Variants in SLAMF6 observed in about 807,000 individuals in gnomAD.
The protein encoded by SLAMF6 is NK-T-B-antigen.
In SLAMF6, 21 loss-of-function variants were observed where a neutral mutation model predicts 38.3. That is an observed-to-expected ratio of 0.55 (90% CI 0.39 to 0.79). SLAMF6 has a LOEUF of 0.79. Ranked by LOEUF, SLAMF6 falls within the 30% of genes least tolerant of loss-of-function variation. SLAMF6 has a pLI of 0.00. For synonymous variants in SLAMF6, 152 were observed against 146.3 expected, an observed-to-expected ratio of 1.04 and a Z score of -0.28; for missense variants, 341 against 385.3, an observed-to-expected ratio of 0.89 and a Z score of 0.96.
chr1:160,505,771 A>C (rs1345498567), intron 1 of SLAMF6, among the ~76,000 whole-genome samples: 4 of 152,190 alleles, frequency 2.6e-5, no homozygotes, highest in Non-Finnish European at 4.4e-5. Flanking sequence ...AAATCAAGAA[A>C]AGGATATATA....
intron 1 of SLAMF6, among the ~76,000 whole-genome samples, chr1:160,506,913 G>A (rs1654217943): frequency 6.6e-6 from 1 of 152,084 alleles, no homozygotes; most frequent in African/African-American, 2.4e-5. Flanking sequence ...GAAAGGAAAT[G>A]AGAAAGGAAT....
At chr1:160,512,373 C>T (rs1654516308) in intron 1 of SLAMF6, among the ~76,000 whole-genome samples, 1 of 152,194 alleles carries the variant, frequency 6.6e-6, no homozygotes, top group Non-Finnish European at 1.5e-5. Context: ...GGGATTGAGT[C>T]CCTGTGGGTA....
Position 160,490,689 on chromosome 1 carries a change from A to G in SLAMF6, c.647-4T>C, listed in dbSNP as rs1211277186. On this transcript the variant is annotated splice_polypyrimidine_tract_variant and splice_region_variant and intron_variant, in intron 3 of 7. Transcript: ENST00000368057. The stretch of plus-strand genomic sequence containing the variant: ...TCTGTATATTGAATTTTAACATCTG[A>G]AAAGAGAAAAAAGAAATGACATTTG... 3.1e-6 allele frequency: 5 copies of G among 1,610,968 alleles called. No individual in the cohort carries two copies. The highest frequency in any genetic ancestry group is 4.2e-6 in the Non-Finnish European group (5 of 1,179,212).
chr1:160,522,968 C>T (rs1270016921), intron 1 of SLAMF6, among the ~76,000 whole-genome samples, 176 bp downstream of exon 1: 5 of 152,174 alleles, frequency 3.3e-5, no homozygotes, highest in Non-Finnish European at 7.4e-5. Flanking sequence ...TCAGGCTTAT[C>T]GCATCCAAAG....
In SLAMF6 at chr1:160,500,332, C is replaced by T. The variant is rs1413735719; in HGVS notation, c.50-3939G>A. On this transcript the variant is annotated intron_variant, in intron 1 of 7. Transcript: ENST00000368057. ...CATTTCTCTTTCTTTGACCTAATTC[C>T]TATATTCTCCCCCTTGTTCACTTTG... 2.6e-5 allele frequency among the ~76,000 whole-genome samples: 4 copies of T among 152,280 alleles called. No individual in the cohort carries two copies. In the East Asian group the frequency reaches 7.7e-4, roughly 29 times the overall value.
chr1:160,493,036 G>A (rs538523733), intron 2 of SLAMF6, among the ~76,000 whole-genome samples: 1 of 152,314 alleles, frequency 6.6e-6, no homozygotes, highest in Admixed American at 6.5e-5. Context: ...CTTTAGACAA[G>A]TAAGTCAAAT....
intron 1 of SLAMF6, among the ~76,000 whole-genome samples, chr1:160,503,092 C>G (rs926566257): frequency 3.3e-5 from 5 of 152,142 alleles, no homozygotes; most frequent in African/African-American, 1.2e-4. Flanking sequence ...AGACGTGGTT[C>G]TCCTTTTCTT....
rs1654042939 is a variant in SLAMF6 at position 160,503,954 on chromosome 1, G to T, written c.50-7561C>A. On this transcript the variant is annotated intron_variant, in intron 1 of 7. Transcript: ENST00000368057. ...GATTGTTTAAACCTGGGAGGCAGAGGTTGCAGTGAGCTGAGATCATGCCAT... is the reference window on the plus strand; with the variant it reads ...GATTGTTTAAACCTGGGAGGCAGAGTTTGCAGTGAGCTGAGATCATGCCAT... Among the ~76,000 whole-genome samples the T allele has an allele frequency of 1.4e-5, 2 of 141,794 alleles. 1 individual carries two copies. The highest frequency in any genetic ancestry group is 4.5e-4 in the South Asian group (2 of 4,446). 93.0% of individuals were successfully genotyped at this position (141,794 alleles called of 152,430 possible).
chr1:160,515,251 G>A (rs1458892268), intron 1 of SLAMF6, among the ~76,000 whole-genome samples: 1 of 152,132 alleles, frequency 6.6e-6, no homozygotes, highest in African/African-American at 2.4e-5. Flanking sequence ...ACATAACCTA[G>A]AAAATCTAGA....
intron 1 of SLAMF6, among the ~76,000 whole-genome samples, chr1:160,500,580 A>G (rs1005146304): frequency 2.0e-5 from 3 of 151,888 alleles, no homozygotes; most frequent in Non-Finnish European, 4.4e-5. Context: ...CTTTGGATTT[A>G]CCATCTAGTA....
intron 6 of SLAMF6, among the ~76,000 whole-genome samples, chr1:160,487,839 C>T (rs1340540201): frequency 6.6e-6 from 1 of 152,140 alleles, no homozygotes; most frequent in African/African-American, 2.4e-5. Flanking sequence ...CCTGTAAACC[C>T]AACACTTTGG....
chr1:160,510,278 A>G (rs1654405361), intron 1 of SLAMF6, among the ~76,000 whole-genome samples: 1 of 152,128 alleles, frequency 6.6e-6, no homozygotes, highest in African/African-American at 2.4e-5. Flanking sequence ...CCAAAGCCAA[A>G]AATATCAGAA....
chr1:160,500,368 C>G (rs1041106619), intron 1 of SLAMF6, among the ~76,000 whole-genome samples: 16 of 152,216 alleles, frequency 1.1e-4, no homozygotes, highest in African/African-American at 3.9e-4. Flanking sequence ...CTCCAGCCCC[C>G]TTGGCTATTC....
chr1:160,488,742 C>G (rs1307172168), intron 6 of SLAMF6, among the ~76,000 whole-genome samples: 2 of 152,078 alleles, frequency 1.3e-5, no homozygotes, highest in Admixed American at 6.6e-5. Flanking sequence ...GAACTCTGAC[C>G]CATTCAGCAA....
chr1:160,508,234 C>T (rs988132766), intron 1 of SLAMF6, among the ~76,000 whole-genome samples: 1 of 152,162 alleles, frequency 6.6e-6, no homozygotes, highest in Non-Finnish European at 1.5e-5. Flanking sequence ...AAGCTAGAGG[C>T]ATCTCACTAC....
At position 160,492,825 on chromosome 1, in the gene SLAMF6, C is replaced by T. The variant is rs185924813; in HGVS notation, c.383-1437G>A. On this transcript the variant is annotated intron_variant, in intron 2 of 7. Coordinates refer to ENST00000368057, the MANE Select transcript of SLAMF6 (RefSeq NM_001184714.2). ...CGCTGATTCATATCTTCATCTCATA[C>T]TCCCACATCAGGAAATCCTGGTGGC... Among the ~76,000 whole-genome samples, 18 of 152,278 alleles carry T rather than the reference C, an allele frequency of 1.2e-4. No homozygotes were observed. In the East Asian group the frequency reaches 2.7e-3, roughly 23 times the overall value.
In SLAMF6 at chr1:160,486,644, T is replaced by G; in HGVS notation, c.*63A>C. Reference sequence around the variant, plus strand: ...AACAGGAACCAAGCTTCCTGTTCTTTGTTCTGTCTCATGGGATCAGAAGAC... The same window carrying G: ...AACAGGAACCAAGCTTCCTGTTCTTGGTTCTGTCTCATGGGATCAGAAGAC... On this transcript the variant is annotated 3_prime_UTR_variant, in exon 8 of 8. Coordinates refer to ENST00000368057, the MANE Select transcript of SLAMF6 (RefSeq NM_001184714.2). 6.6e-7 allele frequency: 1 copy of G among 1,505,660 alleles called. No individual in the cohort carries two copies. Among genetic ancestry groups the G allele is most frequent in the Non-Finnish European group, 9.2e-7 (1 of 1,083,016 alleles). 93.3% of individuals were successfully genotyped at this position (1,505,660 alleles called of 1,614,324 possible).
intron 4 of SLAMF6, 38 bp from the exon 5 acceptor site, chr1:160,490,274 CAGTGG>C (rs768866654): frequency 6.2e-7 from 1 of 1,612,430 alleles, no homozygotes; most frequent in South Asian, 1.1e-5. Flanking sequence ...TGTGTGACAG[CAGTGG>C]GAGAGGCATT....
At chr1:160,511,233 A>G (rs369930917) in intron 1 of SLAMF6, among the ~76,000 whole-genome samples, 1 of 152,328 alleles carries the variant, frequency 6.6e-6, no homozygotes, top group African/African-American at 2.4e-5. Context: ...TCAAATTTAT[A>G]TGTGATTTCA....
Sources: allele counts gnomAD v4.1 joint callset (sites outside exome capture counted in the v4.1 genomes callset), GRCh38; gene constraint gnomAD v4.1.1; transcripts MANE v1.5; gene names NCBI Gene and HGNC (gene_info 2026-07-23, HGNC 2026-07-21).